CNTN1: variants seen among roughly 807,000 people sequenced by gnomAD.
The protein encoded by CNTN1 is contactin-1.
In CNTN1, 38 loss-of-function variants were observed where a neutral mutation model predicts 126.4. The observed-to-expected ratio is 0.30, with a 90% CI of 0.23 to 0.39. The LOEUF (loss-of-function observed/expected upper bound fraction) is 0.39, where lower values mean the gene tolerates loss of function less well. Among genes scored for constraint, CNTN1 ranks in the 10% least tolerant of loss-of-function variants. The pLI is 1.00. For missense variants in CNTN1, 1,009 were observed against 1,248.4 expected (o/e 0.81, Z 2.89); for synonymous variants, 413 against 422.6 (o/e 0.98, Z 0.28).
intron 14 of CNTN1, 126 bp from the exon 15 acceptor site, chr12:40,958,988 A>C: frequency 9.3e-7 from 1 of 1,070,574 alleles, no homozygotes; most frequent in African/African-American, 1.6e-5. Flanking sequence ...TAGAGTTAGC[A>C]TGTCTAAAAC....
intron 1 of CNTN1, among the ~76,000 whole-genome samples, chr12:40,834,290 T>A (rs1462342689): frequency 1.3e-5 from 2 of 152,226 alleles, no homozygotes; most frequent in Non-Finnish European, 2.9e-5. Context: ...GTTTGATTTT[T>A]ACGGCCATTA....
At chr12:40,709,961 A>G (rs1941870077) in intron 1 of CNTN1, among the ~76,000 whole-genome samples, 1 of 152,052 alleles carries the variant, frequency 6.6e-6, no homozygotes, top group Non-Finnish European at 1.5e-5. Context: ...TTTTTCAAGA[A>G]TTTTTCCTTT....
chr12:40,787,415 A>G (rs1381204374), intron 1 of CNTN1, among the ~76,000 whole-genome samples: 1 of 152,142 alleles, frequency 6.6e-6, no homozygotes, highest in Non-Finnish European at 1.5e-5. Flanking sequence ...GAGACTATTC[A>G]TTATATTGCA....
intron 1 of CNTN1, among the ~76,000 whole-genome samples, chr12:40,847,856 G>T (rs1229315066): frequency 2.0e-5 from 3 of 152,218 alleles, no homozygotes; most frequent in Non-Finnish European, 4.4e-5. Flanking sequence ...ATGGGGTGAG[G>T]ATGGTTTTGG....
At chr12:40,988,065 T>G (rs773420099) in intron 16 of CNTN1, among the ~76,000 whole-genome samples, 15 of 152,126 alleles carry the variant, frequency 9.9e-5, no homozygotes, top group Non-Finnish European at 4.4e-5. Context: ...CCTTCTGAGA[T>G]GCCAGAACAC....
rs374293260 is a variant in CNTN1 at position 41,027,838 on chromosome 12, A to C, written c.2711-19A>C. The C allele has an allele frequency of 2.1e-6, 3 of 1,460,104 alleles. No homozygotes were observed. Among genetic ancestry groups the C allele is most frequent in the South Asian group, 2.3e-5 (2 of 87,990 alleles). The allele number at this position is 1,460,104 out of a possible 1,614,324, so 90.4% of individuals were successfully genotyped here. ...ATTGGATATAGTGACCACTGATTGC[A>C]TATTACTACTTTTCACAGCTCCTAG... On this transcript the variant is annotated intron_variant, in intron 21 of 23. Coordinates refer to ENST00000551295, the MANE Select transcript of CNTN1 (RefSeq NM_001843.4).
chr12:40,748,119 G>C (rs966471159), intron 1 of CNTN1, among the ~76,000 whole-genome samples: 4 of 152,118 alleles, frequency 2.6e-5, no homozygotes, highest in Non-Finnish European at 4.4e-5. Flanking sequence ...AGTATGTTTT[G>C]AGGGAATAAG....
At chr12:41,002,554 C>CTTTTTTTTTTTTTT (rs200237008) in intron 17 of CNTN1, among the ~76,000 whole-genome samples, 1 of 131,514 alleles carries the variant, frequency 7.6e-6, no homozygotes, top group Non-Finnish European at 1.6e-5. Flanking sequence ...TATAGGGTTT[C>CTTTTTTTTTTTTTT]TTTCTTTTTT....
At chr12:40,886,220 C>G (rs992692905) in intron 1 of CNTN1, among the ~76,000 whole-genome samples, 3 of 152,000 alleles carry the variant, frequency 2.0e-5, no homozygotes, top group Non-Finnish European at 4.4e-5. Context: ...AGCTCCAAAA[C>G]AGTGCTAAAT....
At chr12:40,921,347 C>A (rs1213102123) in intron 4 of CNTN1, among the ~76,000 whole-genome samples, 1 of 152,162 alleles carries the variant, frequency 6.6e-6, no homozygotes, top group African/African-American at 2.4e-5. Flanking sequence ...AGGCTTATGA[C>A]TTTCCTGAGG....
In CNTN1 at chr12:41,014,287, A is replaced by G. The variant is rs1340621800; in HGVS notation, c.2173A>G (p.Ile725Val). Residue 725 changes from isoleucine (I) to valine (V), a missense_variant, in exon 18 of 24, where the codon ATA (isoleucine) becomes GTA (valine). Physicochemically the swap from Ile to Val is conservative, Grantham distance 29. Transcript: ENST00000551295. The part of the protein sequence containing the change: ...GGGGRNRELT[I>V]TWAPLSREYH... ...AGGTGGAAGAAACAGAGAGCTGACC[A>G]TAACATGGGCGGTAAGTATTGATGA... is the stretch of plus-strand genomic sequence containing the variant. The G allele has an allele frequency of 1.9e-6, 3 of 1,613,886 alleles. No individual in the cohort carries two copies. Among genetic ancestry groups the G allele is most frequent in the Admixed American group, 1.7e-5 (1 of 60,006 alleles).
At chr12:41,024,487 T>C (rs1416135953) in intron 20 of CNTN1, among the ~76,000 whole-genome samples, 2 of 152,124 alleles carry the variant, frequency 1.3e-5, no homozygotes, top group African/African-American at 2.4e-5. Context: ...CTGTAATTAT[T>C]TGACAAAAGT....
intron 1 of CNTN1, among the ~76,000 whole-genome samples, chr12:40,741,404 T>C (rs1309986769): frequency 6.6e-6 from 1 of 152,104 alleles, no homozygotes; most frequent in Non-Finnish European, 1.5e-5. Flanking sequence ...CCTCATCTTT[T>C]TGATCCATCC....
chr12:40,701,262 C>T (rs1941587738), intron 1 of CNTN1, among the ~76,000 whole-genome samples: 1 of 152,110 alleles, frequency 6.6e-6, no homozygotes, highest in African/African-American at 2.4e-5. Context: ...TTACATGGTG[C>T]AGTTTCCCAA....
intron 1 of CNTN1, among the ~76,000 whole-genome samples, chr12:40,760,087 T>C (rs1006131379): frequency 6.6e-6 from 1 of 152,162 alleles, no homozygotes; most frequent in Non-Finnish European, 1.5e-5. Flanking sequence ...ATTGCCTTAG[T>C]ATTGCAAGCC....
At chr12:40,813,650 AACAT>A (rs1471739412) in intron 1 of CNTN1, among the ~76,000 whole-genome samples, 1 of 152,228 alleles carries the variant, frequency 6.6e-6, no homozygotes, top group African/African-American at 2.4e-5. Flanking sequence ...TGCTGCAATA[AACAT>A]ACATTTGCAT....
chr12:40,925,950 T>C (rs1945669231), intron 6 of CNTN1, among the ~76,000 whole-genome samples: 1 of 150,538 alleles, frequency 6.6e-6, no homozygotes, highest in Admixed American at 6.7e-5. Flanking sequence ...TGACTACATT[T>C]GACCATATTC....
chr12:41,048,822 C>A (rs73126936), intron 23 of CNTN1, among the ~76,000 whole-genome samples: 3,342 of 152,208 alleles, frequency 0.022, 122 homozygotes, highest in African/African-American at 0.076. Context: ...AAAAGAAAAT[C>A]TCTTCCAGTA....
intron 1 of CNTN1, among the ~76,000 whole-genome samples, chr12:40,717,464 A>G (rs964625702): frequency 7.9e-5 from 12 of 152,170 alleles, no homozygotes; most frequent in Non-Finnish European, 1.5e-4. Flanking sequence ...TCCGACCTAA[A>G]AATTTTTTTC....
Sources: gnomAD v4.1 joint callset for allele counts (sites outside exome capture counted in the v4.1 genomes callset) on GRCh38, gnomAD v4.1.1 for gene constraint, MANE v1.5 for transcripts, NCBI Gene and HGNC (gene_info 2026-07-23, HGNC 2026-07-21) for gene names.